The following MIPOL1 variants were observed in gnomAD, a reference collection of about 807,000 sequenced individuals.
MIPOL1 encodes the protein mirror-image polydactyly gene 1 protein.
Under a neutral mutation model 60.9 loss-of-function variants are expected in MIPOL1, and 57 were observed. That is an observed-to-expected ratio of 0.94 (90% CI 0.76 to 1.17). The LOEUF (loss-of-function observed/expected upper bound fraction) is 1.17. Among genes scored for constraint, MIPOL1 ranks in the 50% most tolerant of loss-of-function variants. MIPOL1 has a pLI of 0.00. For synonymous variants in MIPOL1, 179 were observed against 168.8 expected (o/e 1.06, Z -0.47); for missense variants, 551 against 511.6 (o/e 1.08, Z -0.74).
intron 9 of MIPOL1, among the ~76,000 whole-genome samples, chr14:37,317,502 G>A (rs978967503): frequency 6.6e-6 from 1 of 152,116 alleles, no homozygotes; most frequent in African/African-American, 2.4e-5. Context: ...TTTAATGGGT[G>A]AGGGACCAGA....
intron 9 of MIPOL1, among the ~76,000 whole-genome samples, chr14:37,361,874 T>G (rs2092275630): frequency 6.6e-6 from 1 of 152,140 alleles, no homozygotes; most frequent in Non-Finnish European, 1.5e-5. Flanking sequence ...TTCAAAGTGC[T>G]GTTTGTCTCT....
chr14:37,496,812 G>T (rs1189534242), intron 11 of MIPOL1, among the ~76,000 whole-genome samples: 1 of 151,254 alleles, frequency 6.6e-6, no homozygotes, highest in African/African-American at 2.4e-5. Context: ...TTTAAAGTTC[G>T]TATGGAACCA....
chr14:37,284,570 C>T (rs932737221), intron 6 of MIPOL1, among the ~76,000 whole-genome samples: 29 of 152,238 alleles, frequency 1.9e-4, no homozygotes, highest in Admixed American at 1.8e-3. Flanking sequence ...GTCTCGATCT[C>T]CTGACCTGGT....
intron 11 of MIPOL1, among the ~76,000 whole-genome samples, chr14:37,451,729 A>G (rs1489863935): frequency 1.3e-5 from 2 of 151,978 alleles, no homozygotes; most frequent in South Asian, 2.1e-4. Context: ...TGTAGAAAGT[A>G]AATGTTCTGC....
intron 1 of MIPOL1, among the ~76,000 whole-genome samples, chr14:37,228,802 C>T (rs1233048381): frequency 2.0e-5 from 3 of 152,088 alleles, no homozygotes; most frequent in Non-Finnish European, 4.4e-5. Flanking sequence ...ATACTGAAAA[C>T]AATTTGTGGC....
intron 10 of MIPOL1, among the ~76,000 whole-genome samples, chr14:37,387,644 G>T (rs1349778328): frequency 6.6e-6 from 1 of 151,748 alleles, no homozygotes; most frequent in Non-Finnish European, 1.5e-5. Context: ...TCACTTTATT[G>T]TATAATATGA....
At chr14:37,515,478 A>G (rs1454744528) in intron 12 of MIPOL1, among the ~76,000 whole-genome samples, 3 of 152,130 alleles carry the variant, frequency 2.0e-5, no homozygotes, top group Non-Finnish European at 4.4e-5. Context: ...TAGTTCTTGG[A>G]ACGTCATCAT....
intron 12 of MIPOL1, among the ~76,000 whole-genome samples, chr14:37,535,510 C>T (rs2095502112): frequency 6.6e-6 from 1 of 152,160 alleles, no homozygotes. Flanking sequence ...TTCTCACTTT[C>T]TCACTGTTTT....
chr14:37,476,562 A>G (rs1301126378), intron 11 of MIPOL1, among the ~76,000 whole-genome samples: 27 of 152,104 alleles, frequency 1.8e-4, no homozygotes, highest in Non-Finnish European at 5.9e-5. Flanking sequence ...TGATAACCAT[A>G]TGGTTTTTAT....
At chr14:37,253,969 G>T (rs934090229) in intron 3 of MIPOL1, among the ~76,000 whole-genome samples, 1 of 151,694 alleles carries the variant, frequency 6.6e-6, no homozygotes, top group African/African-American at 2.4e-5. Flanking sequence ...GCCATTGGGG[G>T]TTAAAAGAAG....
At chr14:37,425,029 A>G (rs1001276909) in intron 11 of MIPOL1, among the ~76,000 whole-genome samples, 1 of 152,230 alleles carries the variant, frequency 6.6e-6, no homozygotes, top group African/African-American at 2.4e-5. Flanking sequence ...TGGTAAAGTA[A>G]TAAAGAGGCA....
chr14:37,530,216 G>T (rs1032903853), intron 12 of MIPOL1, among the ~76,000 whole-genome samples: 1 of 152,100 alleles, frequency 6.6e-6, no homozygotes. Flanking sequence ...GCATCTTAAG[G>T]TTCTCTGCAT....
intron 12 of MIPOL1, chr14:37,507,594 G>A (rs1476315996): frequency 6.6e-6 from 1 of 152,040 alleles, no homozygotes; most frequent in Non-Finnish European, 1.5e-5. Flanking sequence ...TCACACACCG[G>A]GACCTCTCAG....
At chr14:37,327,170 G>T (rs1313998907) in intron 9 of MIPOL1, among the ~76,000 whole-genome samples, 1 of 152,176 alleles carries the variant, frequency 6.6e-6, no homozygotes, top group Non-Finnish European at 1.5e-5. Context: ...GGAGATAGAA[G>T]GTTGGATTTA....
intron 11 of MIPOL1, among the ~76,000 whole-genome samples, chr14:37,442,522 T>A (rs28506888): frequency 1.1e-3 from 166 of 152,234 alleles, no homozygotes; most frequent in African/African-American, 3.8e-3. Context: ...AGATGGCTCT[T>A]ATTATCTTGA....
At chr14:37,477,108 C>G (rs1210529553) in intron 11 of MIPOL1, among the ~76,000 whole-genome samples, 2 of 151,906 alleles carry the variant, frequency 1.3e-5, no homozygotes, top group Non-Finnish European at 1.5e-5. Context: ...CCATGTTGGC[C>G]AGGCTGGTCT....
intron 4 of MIPOL1, 121 bp from the exon 5 acceptor site, chr14:37,268,536 CT>C: frequency 2.7e-6 from 2 of 734,302 alleles, no homozygotes; most frequent in Non-Finnish European, 2.2e-6. Flanking sequence ...CAGCCCATCT[CT>C]TTTCCTTTCC....
chr14:37,514,643 C>T (rs572208448), intron 12 of MIPOL1, among the ~76,000 whole-genome samples: 91 of 146,780 alleles, frequency 6.2e-4, no homozygotes, highest in African/African-American at 1.9e-3. Context: ...TTTTTGGAGA[C>T]GGAGTTTCGC....
intron 7 of MIPOL1, among the ~76,000 whole-genome samples, chr14:37,304,954 GT>G (rs1567378615): frequency 6.6e-6 from 1 of 151,684 alleles, no homozygotes; most frequent in Non-Finnish European, 1.5e-5. Context: ...ATAATTTATA[GT>G]TCATCAGATA....
Sources: allele counts gnomAD v4.1 joint callset (sites outside exome capture counted in the v4.1 genomes callset), GRCh38; gene constraint gnomAD v4.1.1; transcripts MANE v1.5; gene names NCBI Gene and HGNC (gene_info 2026-07-23, HGNC 2026-07-21).